The following ARID5B variants were observed in gnomAD, a reference collection of about 807,000 sequenced individuals.
ARID5B encodes AT-rich interactive domain-containing protein 5B.
ARID5B carries 13 observed loss-of-function variants against 97.2 expected under a neutral mutation model. That is an observed-to-expected ratio of 0.13 (90% CI 0.09 to 0.21). ARID5B has a LOEUF of 0.21. Among genes scored for constraint, ARID5B ranks in the 10% least tolerant of loss-of-function variants. The pLI, the probability that ARID5B is intolerant of heterozygous loss-of-function variation, is 1.00. For missense variants in ARID5B, 1,210 were observed against 1,465.3 expected, an observed-to-expected ratio of 0.83 and a Z score of 2.84; for synonymous variants, 556 against 570.3, an observed-to-expected ratio of 0.97 and a Z score of 0.36.
In ARID5B at chr10:61,901,859, C is replaced by A. The variant is rs116774631; in HGVS notation, c.21+129C>A. The A allele has an allele frequency of 2.8e-3, 2,142 of 754,564 alleles. 34 individuals are homozygous for A. The African/African-American group carries it at 0.032, about 11-fold the overall frequency. The allele number at this position is 754,564 out of a possible 1,614,324, so 46.7% of individuals were successfully genotyped here. On this transcript the variant is annotated intron_variant, in intron 1 of 9. Transcript: ENST00000279873. ...TTCACCAAACTTTTACCCTCTGCAT[C>A]CCCCAAAATCATTTTTATTGTTTAA...
Position 62,092,404 on chromosome 10 carries a change from G to A in ARID5B, c.2941G>A (p.Val981Met). The change falls in exon 10 of 10, where the codon GTG becomes ATG. Residue 981 changes from valine to methionine, a missense_variant. Val to Met is a conservative substitution (Grantham distance 21). Around this residue, in one of 8 missense-constraint regions of ARID5B, gnomAD observed 800 missense variants for 839.1 expected, o/e 0.95. Transcript: ENST00000279873. ...TTCAAGATCAGGAAAACCTCACCATGTGAGACTGGAGAATTTCAGGAAGAT... is the reference window on the plus strand; with the variant it reads ...TTCAAGATCAGGAAAACCTCACCATATGAGACTGGAGAATTTCAGGAAGAT... ...SLSRSGKPHH[V>M]RLENFRKMEG... 1 of 1,614,206 alleles carries A rather than the reference G, an allele frequency of 6.2e-7. No individual in the cohort carries two copies. Among genetic ancestry groups the A allele is most frequent in the Non-Finnish European group, 8.5e-7 (1 of 1,180,026 alleles).
intron 7 of ARID5B, among the ~76,000 whole-genome samples, chr10:62,065,833 G>A (rs1839979459): frequency 1.7e-5 from 2 of 114,502 alleles, no homozygotes; most frequent in Admixed American, 1.1e-4. Context: ...GCGACAGAGT[G>A]AGACTCTGTC....
In ARID5B at chr10:62,091,577, C is replaced by T; in HGVS notation, c.2114C>T (p.Ser705Phe). 6.2e-7 allele frequency: 1 copy of T among 1,612,596 alleles called. No homozygotes were observed. The highest frequency in any genetic ancestry group is 8.5e-7 in the Non-Finnish European group (1 of 1,179,368). The change falls in exon 10 of 10, where the codon TCC becomes TTC. Residue 705 changes from serine to phenylalanine, a missense_variant. By Grantham distance (155) the Ser-to-Phe change is radical. Around this residue, in one of 8 missense-constraint regions of ARID5B, gnomAD observed 800 missense variants for 839.1 expected, o/e 0.95. Transcript: ENST00000279873. ...TCCCAAGTGAGTGGGGCCAGCCTCT[C>T]CAGCAGCTACCCTTATGGCTCCCCA... ...LLSQVSGASLSSSYPYGSPPP... is the reference protein window; with the variant it reads ...LLSQVSGASLFSSYPYGSPPP...
intron 2 of ARID5B, among the ~76,000 whole-genome samples, chr10:61,924,770 T>A (rs1844073236): frequency 6.6e-6 from 1 of 152,240 alleles, no homozygotes; most frequent in Admixed American, 6.5e-5. Flanking sequence ...TGAGACTCTG[T>A]GCCAGATGAC....
At chr10:62,061,327 G>A (rs529033923) in intron 7 of ARID5B, among the ~76,000 whole-genome samples, 2 of 152,318 alleles carry the variant, frequency 1.3e-5, no homozygotes, top group South Asian at 2.1e-4. Context: ...CATGAATGAT[G>A]GATTATGCCT....
chr10:62,090,473 T>C (rs1050855187), intron 9 of ARID5B, among the ~76,000 whole-genome samples: 1 of 152,244 alleles, frequency 6.6e-6, no homozygotes, highest in Non-Finnish European at 1.5e-5. Flanking sequence ...AAAAAAATCT[T>C]TCTCAGGAGT....
chr10:61,953,719 C>T (rs1741853998), intron 3 of ARID5B, among the ~76,000 whole-genome samples: 1 of 152,152 alleles, frequency 6.6e-6, no homozygotes, highest in Admixed American at 6.6e-5. Flanking sequence ...ATCTATAAAT[C>T]AGCGTTAACA....
In ARID5B at chr10:61,967,279, T is replaced by C. The variant is rs1442963632; in HGVS notation, c.502+26871T>C. ...TTTGGATGTTACCATATTTCTACTT[T>C]AAGATATATCTTCCTAACTTGACTC... On this transcript the variant is annotated intron_variant, in intron 3 of 9. Coordinates refer to ENST00000279873, the MANE Select transcript of ARID5B (RefSeq NM_032199.3). Among the ~76,000 whole-genome samples the C allele has an allele frequency of 2.6e-5, 4 of 152,250 alleles. No individual in the cohort carries two copies. The East Asian group carries it at 7.7e-4, about 29-fold the overall frequency.
At chr10:62,005,079 C>T (rs545463490) in intron 4 of ARID5B, among the ~76,000 whole-genome samples, 7 of 152,298 alleles carry the variant, frequency 4.6e-5, no homozygotes, top group African/African-American at 9.6e-5. Flanking sequence ...GTGTGTTGGC[C>T]TGTCATCAGC....
At position 62,086,618 on chromosome 10, in the gene ARID5B, A is replaced by G. The variant is rs1010987005; in HGVS notation, c.1398+718A>G. Among the ~76,000 whole-genome samples, 12 of 149,222 alleles carry G rather than the reference A, an allele frequency of 8.0e-5. No individual in the cohort carries two copies. In the South Asian group the frequency reaches 8.7e-4, roughly 11 times the overall value. ...TGGGAGGCCAAGGCAGGAGAATGGC[A>G]TGAACCTGGGAGGCAGAGCTTGCAG... On this transcript the variant is annotated intron_variant, in intron 9 of 9. Transcript: ENST00000279873.
intron 8 of ARID5B, among the ~76,000 whole-genome samples, chr10:62,080,721 C>A (rs1378252938): frequency 6.6e-6 from 1 of 152,110 alleles, no homozygotes; most frequent in African/African-American, 2.4e-5. Context: ...GGTGTAATGA[C>A]TCCATTTGGG....
chr10:62,001,709 A>G (rs1185919617), intron 4 of ARID5B, among the ~76,000 whole-genome samples: 3 of 152,226 alleles, frequency 2.0e-5, no homozygotes, highest in East Asian at 3.8e-4. Flanking sequence ...ATCTAAGTCC[A>G]TTAGATTCTA....
intron 4 of ARID5B, among the ~76,000 whole-genome samples, chr10:62,015,832 C>T (rs1393896896): frequency 6.6e-6 from 1 of 152,148 alleles, no homozygotes; most frequent in Non-Finnish European, 1.5e-5. Context: ...CTACAGTGGC[C>T]AGGCTGGTCT....
intron 4 of ARID5B, among the ~76,000 whole-genome samples, chr10:62,040,259 T>TATA (rs1277421826): frequency 5.3e-5 from 8 of 152,290 alleles, no homozygotes; most frequent in South Asian, 4.2e-4. Context: ...TTTAGTAGCC[T>TATA]TGAGTCAATG....
chr10:61,982,036 C>T (rs1385387609), intron 3 of ARID5B, among the ~76,000 whole-genome samples: 1 of 152,102 alleles, frequency 6.6e-6, no homozygotes, highest in African/African-American at 2.4e-5. Context: ...TTATTTAAAT[C>T]AATGTAATGA....
intron 4 of ARID5B, among the ~76,000 whole-genome samples, chr10:62,027,467 C>G (rs1242776014): frequency 6.6e-6 from 1 of 151,338 alleles, no homozygotes; most frequent in Non-Finnish European, 1.5e-5. Flanking sequence ...CACCACCATG[C>G]CTGGCTAATT....
rs1426993023 is a variant in ARID5B at position 62,090,866 on chromosome 10, C to T, written c.1403C>T (p.Ser468Leu). ...TCTTTTGAAATATGTTACCAGGTTTCATCAGAGCAAGAAAAAGAACAAGAG... is the reference window on the plus strand; with the variant it reads ...TCTTTTGAAATATGTTACCAGGTTTTATCAGAGCAAGAAAAAGAACAAGAG... ...APKPQDAAEV[S>L]SEQEKEQETL... The change falls in exon 10 of 10, where the codon TCA becomes TTA. Residue 468 changes from serine to leucine, a missense_variant. By Grantham distance (145) the Ser-to-Leu change is moderately radical. Coordinates refer to ENST00000279873, the MANE Select transcript of ARID5B (RefSeq NM_032199.3). 6.4e-7 allele frequency: 1 copy of T among 1,571,966 alleles called. No individual in the cohort carries two copies. Among genetic ancestry groups the T allele is most frequent in the Non-Finnish European group, 8.6e-7 (1 of 1,166,498 alleles).
At chr10:61,921,372 C>T (rs1280280272) in intron 2 of ARID5B, among the ~76,000 whole-genome samples, 1 of 152,210 alleles carries the variant, frequency 6.6e-6, no homozygotes, top group East Asian at 1.9e-4. Flanking sequence ...TCTATTAATA[C>T]TTCAGACCCA....
rs200342266 is a variant in ARID5B at position 61,961,734 on chromosome 10, ATTTC to A, written c.502+21346_502+21349del. 1.8e-4 allele frequency among the ~76,000 whole-genome samples: 28 copies of A among 151,730 alleles called. No homozygotes were observed. The South Asian group carries it at 2.5e-3, about 14-fold the overall frequency. On this transcript the variant is annotated intron_variant, in intron 3 of 9. Coordinates refer to ENST00000279873, the MANE Select transcript of ARID5B (RefSeq NM_032199.3). Reference sequence around the variant, plus strand: ...GACCTCAGTGTCTCAATTCTGGGCAATTTCTTTCTTTCTTTCTTTCTTTTTTTTC... The same window carrying A: ...GACCTCAGTGTCTCAATTCTGGGCAATTTCTTTCTTTCTTTCTTTTTTTTC...
Sources: gnomAD v4.1 joint callset for allele counts (sites outside exome capture counted in the v4.1 genomes callset) on GRCh38, gnomAD v4.1.1 for gene constraint, gnomAD v4.1.1 regional missense constraint, MANE v1.5 for transcripts, NCBI Gene and HGNC (gene_info 2026-07-23, HGNC 2026-07-21) for gene names.